PRDM16: variants seen among roughly 807,000 people sequenced by gnomAD.
PRDM16 encodes the protein PR/SET domain 16.
In PRDM16, 23 loss-of-function variants were observed where a neutral mutation model predicts 110.6. That is an observed-to-expected ratio of 0.21 (90% CI 0.15 to 0.29). The LOEUF is 0.29. Among genes scored for constraint, PRDM16 ranks in the 10% least tolerant of loss-of-function variants. The probability of loss-of-function intolerance (pLI) is 1.00; values close to 1 mark genes in which losing one functional copy is unlikely to be tolerated. For missense variants in PRDM16, 1,615 were observed against 1,794.3 expected (o/e 0.90, Z 1.81); for synonymous variants, 799 against 781.8 (o/e 1.02, Z -0.37).
rs34858929 is a variant in PRDM16 at position 3,157,422 on chromosome 1, T to TAA, written c.38-28684_38-28683dup. On this transcript the variant is annotated intron_variant, in intron 1 of 16. Coordinates refer to ENST00000270722, the MANE Select transcript of PRDM16 (RefSeq NM_022114.4). The surrounding 1 kb of genome is among the most constrained non-coding windows in gnomAD (Gnocchi z 4.8). The stretch of plus-strand genomic sequence containing the variant: ...GCTCCCAGGCCTTTTGCGATCCCAT[T>TAA]AAAAAAAAAAAAAAAAAAAACACCT... Among the ~76,000 whole-genome samples, 3,420 of 122,088 alleles carry TAA rather than the reference T, an allele frequency of 0.028. 175 individuals are homozygous for TAA. The highest frequency in any genetic ancestry group is 0.093 in the African/African-American group (2,938 of 31,444). 80.1% of individuals were successfully genotyped at this position (122,088 alleles called of 152,430 possible). A position where few individuals can be genotyped will look rare whatever the true frequency, so the allele number is the denominator to read the frequency against.
chr1:3,325,804 C>G (rs1364618267), intron 3 of PRDM16, among the ~76,000 whole-genome samples: 1 of 152,098 alleles, frequency 6.6e-6, no homozygotes, highest in Admixed American at 6.5e-5. Flanking sequence ...CTTGGCCATC[C>G]TTGGTCCTCT....
At chr1:3,151,665 GC>G (rs1430070686) in intron 1 of PRDM16, among the ~76,000 whole-genome samples, 1 of 152,228 alleles carries the variant, frequency 6.6e-6, no homozygotes, top group Non-Finnish European at 1.5e-5. Context: ...CTGGGAGGCC[GC>G]CCACAGCACT....
At chr1:3,392,620 TTGATA>T (rs1643317879) in intron 4 of PRDM16, among the ~76,000 whole-genome samples, 1 of 152,230 alleles carries the variant, frequency 6.6e-6, no homozygotes. Context: ...GTGAATTGAT[TTGATA>T]TTTTAAAAAC....
chr1:3,180,857 TACGC>T (rs1219872477), intron 1 of PRDM16, among the ~76,000 whole-genome samples: 2 of 148,780 alleles, frequency 1.3e-5, no homozygotes, highest in Admixed American at 1.4e-4. Flanking sequence ...CACGCAGTCT[TACGC>T]ACGGCCTTAC....
intron 3 of PRDM16, among the ~76,000 whole-genome samples, chr1:3,354,894 G>A (rs371443647): frequency 5.9e-5 from 9 of 152,232 alleles, no homozygotes; most frequent in African/African-American, 1.7e-4. Flanking sequence ...GGCAGGACCG[G>A]GCCGCACCAT....
At chr1:3,225,168 A>C (rs1395247226) in intron 2 of PRDM16, among the ~76,000 whole-genome samples, 1 of 151,066 alleles carries the variant, frequency 6.6e-6, no homozygotes, top group African/African-American at 2.5e-5. Flanking sequence ...GGAAAAAAAA[A>C]GGCATAGAGG....
intron 3 of PRDM16, among the ~76,000 whole-genome samples, chr1:3,317,210 A>G (rs1641629098): frequency 6.6e-6 from 1 of 152,176 alleles, no homozygotes; most frequent in Non-Finnish European, 1.5e-5. Context: ...GCCGCTTGGT[A>G]CGAGGGATGT....
chr1:3,181,126 AGTCTTACACGCG>A (rs1219715441), intron 1 of PRDM16, among the ~76,000 whole-genome samples: 92 of 127,920 alleles, frequency 7.2e-4, no homozygotes, highest in Non-Finnish European at 1.2e-3. Context: ...TTACACACGC[AGTCTTACACGCG>A]GTCTTACACA....
At chr1:3,304,996 C>T (rs1641282457) in intron 3 of PRDM16, among the ~76,000 whole-genome samples, 1 of 152,180 alleles carries the variant, frequency 6.6e-6, no homozygotes, top group African/African-American at 2.4e-5. Flanking sequence ...CTCTGCCCTC[C>T]TGTGCACTTC....
At chr1:3,136,710 C>T (rs1256458011) in intron 1 of PRDM16, among the ~76,000 whole-genome samples, 1 of 152,134 alleles carries the variant, frequency 6.6e-6, no homozygotes, top group African/African-American at 2.4e-5. Flanking sequence ...CCGCCCCCTG[C>T]TTCTCCCCTC....
At position 3,361,060 on chromosome 1, in the gene PRDM16, G is replaced by A. The variant is rs528066432; in HGVS notation, c.439-24092G>A. 2.4e-3 allele frequency among the ~76,000 whole-genome samples: 359 copies of A among 152,372 alleles called. 1 individual carries two copies. Among genetic ancestry groups the A allele is most frequent in the African/African-American group, 8.2e-3 (342 of 41,590 alleles). On this transcript the variant is annotated intron_variant, in intron 3 of 16. Transcript: ENST00000270722. The stretch of plus-strand genomic sequence containing the variant: ...ACGGCGGCAGTGTCTGCGGAACAGC[G>A]TTCCATTGAGCGCAGGAAAGGCCTT...
At chr1:3,181,753 C>CACGGAGTCTT (rs1369744569) in intron 1 of PRDM16, among the ~76,000 whole-genome samples, 243 of 135,100 alleles carry the variant, frequency 1.8e-3, no homozygotes, top group Admixed American at 2.8e-3. Flanking sequence ...GAGTCTTACA[C>CACGGAGTCTT]ACGGTCTTAC....
chr1:3,205,073 G>C (rs1328863284), intron 2 of PRDM16, among the ~76,000 whole-genome samples: 2 of 152,096 alleles, frequency 1.3e-5, no homozygotes, highest in African/African-American at 4.8e-5. Context: ...GCCCGTGAAA[G>C]GCTCCCGTCC....
chr1:3,212,106 G>A (rs1298298883), intron 2 of PRDM16, among the ~76,000 whole-genome samples: 2 of 152,166 alleles, frequency 1.3e-5, no homozygotes, highest in African/African-American at 4.8e-5. Flanking sequence ...TCCATTCACC[G>A]GCTCGTGAAA....
At chr1:3,326,862 C>T (rs1333700571) in intron 3 of PRDM16, among the ~76,000 whole-genome samples, 1 of 152,232 alleles carries the variant, frequency 6.6e-6, no homozygotes, top group African/African-American at 2.4e-5. Context: ...CCTGCCCCCA[C>T]TGGGCCATGC....
chr1:3,287,278 C>T (rs1039048681), intron 3 of PRDM16, among the ~76,000 whole-genome samples: 2 of 147,688 alleles, frequency 1.4e-5, no homozygotes, highest in African/African-American at 2.6e-5. Flanking sequence ...CGCCCCGCCA[C>T]GCGGGCATCC....
At position 3,135,823 on chromosome 1, in the gene PRDM16, C is replaced by T. The variant is rs540450834; in HGVS notation, c.38-50302C>T. On this transcript the variant is annotated intron_variant, in intron 1 of 16. Transcript: ENST00000270722. ...GTCCCCAGACCGTCCGTCCCTTCCC[C>T]GTGGCTCCCTGGGCCGGGTCTCCCT... Among the ~76,000 whole-genome samples the T allele has an allele frequency of 4.1e-4, 63 of 152,336 alleles. No individual in the cohort carries two copies. In the South Asian group the frequency reaches 7.5e-3, roughly 18 times the overall value.
At chr1:3,181,125 CAGTCTTACACGCGGT>C (rs1557508036) in intron 1 of PRDM16, among the ~76,000 whole-genome samples, 22 of 138,824 alleles carry the variant, frequency 1.6e-4, no homozygotes, top group Non-Finnish European at 2.7e-4. Flanking sequence ...CTTACACACG[CAGTCTTACACGCGGT>C]CTTACACACG....
chr1:3,407,186 C>T (rs1184056616), intron 8 of PRDM16, among the ~76,000 whole-genome samples: 1 of 152,194 alleles, frequency 6.6e-6, no homozygotes, highest in East Asian at 1.9e-4. Flanking sequence ...TGACCACTTG[C>T]ACAAGAGGTG....
Sources: gnomAD v4.1 joint callset for allele counts (sites outside exome capture counted in the v4.1 genomes callset) on GRCh38, gnomAD v4.1.1 for gene constraint, Gnocchi (gnomAD v3.1) non-coding constraint, MANE v1.5 for transcripts, NCBI Gene and HGNC (gene_info 2026-07-23, HGNC 2026-07-21) for gene names.